The following GRIK1 variants were observed in gnomAD, a reference collection of about 807,000 sequenced individuals.
GRIK1 encodes glutamate receptor ionotropic, kainate 1.
GRIK1 carries 69 observed loss-of-function variants against 105.7 expected under a neutral mutation model. The ratio of observed to expected loss-of-function variants is 0.65; its 90% CI spans 0.54 to 0.80. The LOEUF (loss-of-function observed/expected upper bound fraction) is 0.80. GRIK1 is among the 30% of genes least tolerant of loss of function. GRIK1 has a pLI of 0.00. For missense variants in GRIK1, 1,109 were observed against 1,167.3 expected (o/e 0.95, Z 0.73); for synonymous variants, 438 against 431.3 (o/e 1.02, Z -0.19).
chr21:29,574,855 TA>T (rs1458153687), intron 14 of GRIK1, among the ~76,000 whole-genome samples: 2 of 149,774 alleles, frequency 1.3e-5, no homozygotes, highest in East Asian at 3.9e-4. Context: ...GCCCGGCTAA[TA>T]TTTTTGTATT....
intron 3 of GRIK1, among the ~76,000 whole-genome samples, chr21:29,687,878 G>A (rs2063514703): frequency 6.6e-6 from 1 of 152,064 alleles, no homozygotes; most frequent in East Asian, 1.9e-4. Flanking sequence ...TTATTCATTG[G>A]TATGTTTTCC....
intron 1 of GRIK1, among the ~76,000 whole-genome samples, chr21:29,893,364 T>C (rs1459244700): frequency 6.6e-6 from 1 of 152,184 alleles, no homozygotes; most frequent in African/African-American, 2.4e-5. Flanking sequence ...TAAAACATTC[T>C]TTTTCAAATC....
chr21:29,719,115 G>A (rs949995883), intron 1 of GRIK1, among the ~76,000 whole-genome samples: 1 of 144,166 alleles, frequency 6.9e-6, no homozygotes, highest in Non-Finnish European at 1.5e-5. Flanking sequence ...TGGTGCAAAA[G>A]TAATTGCAGT....
intron 1 of GRIK1, among the ~76,000 whole-genome samples, chr21:29,765,993 A>C (rs185513995): frequency 0.015 from 2,324 of 151,974 alleles, 63 homozygotes; most frequent in African/African-American, 0.054. Context: ...CTGGGACTAC[A>C]GGCGCCCGCC....
chr21:29,560,582 T>TTCTTTCTTTCTTTCTC (rs2090453103), intron 15 of GRIK1, among the ~76,000 whole-genome samples: 4 of 116,380 alleles, frequency 3.4e-5, no homozygotes, highest in Non-Finnish European at 7.1e-5. Context: ...CTTTCTCTCT[T>TTCTTTCTTTCTTTCTC]TCTTTCTTTC....
intron 3 of GRIK1, among the ~76,000 whole-genome samples, chr21:29,684,704 G>A (rs921895392): frequency 1.3e-5 from 2 of 152,032 alleles, no homozygotes; most frequent in Non-Finnish European, 2.9e-5. Context: ...TAGAGACGAG[G>A]TTTCACCGTG....
At chr21:29,762,779 G>A (rs2145700657) in intron 1 of GRIK1, among the ~76,000 whole-genome samples, 1 of 152,242 alleles carries the variant, frequency 6.6e-6, no homozygotes, top group Admixed American at 6.5e-5. Context: ...CATCAAACCA[G>A]CCAGCCCTAA....
chr21:29,920,887 C>T (rs970832722), intron 1 of GRIK1, among the ~76,000 whole-genome samples: 2 of 151,460 alleles, frequency 1.3e-5, no homozygotes, highest in East Asian at 1.9e-4. Flanking sequence ...AAAACACTAA[C>T]GTGGTATGTG....
At chr21:29,818,375 A>G (rs886368731) in intron 1 of GRIK1, among the ~76,000 whole-genome samples, 6 of 152,232 alleles carry the variant, frequency 3.9e-5, no homozygotes, top group Admixed American at 6.5e-5. Context: ...CCAGATTTTT[A>G]GTCTAACTCT....
chr21:29,871,960 C>T lies in GRIK1; in HGVS notation c.118+67423G>A, dbSNP rs937985118. On this transcript the variant is annotated intron_variant, in intron 1 of 17. Transcript: ENST00000327783. Reference sequence around the variant, plus strand: ...TGTATGTTTTGTAGAGAGTGGGTTTCGCCTTGTTGCCCAGGCTGGTCTTGA... The same window carrying T: ...TGTATGTTTTGTAGAGAGTGGGTTTTGCCTTGTTGCCCAGGCTGGTCTTGA... 5.5e-5 allele frequency among the ~76,000 whole-genome samples: 8 copies of T among 145,958 alleles called. No individual in the cohort carries two copies. In the South Asian group the frequency reaches 1.5e-3, roughly 28 times the overall value.
chr21:29,819,545 G>A (rs544967451), intron 1 of GRIK1, among the ~76,000 whole-genome samples: 12 of 152,066 alleles, frequency 7.9e-5, no homozygotes, highest in Admixed American at 3.9e-4. Flanking sequence ...ATTTGATAGC[G>A]TGATATTTCA....
intron 3 of GRIK1, among the ~76,000 whole-genome samples, chr21:29,678,913 C>A (rs949902025): frequency 6.6e-6 from 1 of 152,152 alleles, no homozygotes; most frequent in South Asian, 2.1e-4. Flanking sequence ...AAACTTCAGG[C>A]TTCTGTCAAG....
chr21:29,714,124 T>C (rs1197087419), intron 1 of GRIK1, among the ~76,000 whole-genome samples: 1 of 152,220 alleles, frequency 6.6e-6, no homozygotes, highest in Non-Finnish European at 1.5e-5. Context: ...GGTTATTCTA[T>C]AGTTATAATT....
At chr21:29,643,951 A>C (rs1601355081) in intron 6 of GRIK1, among the ~76,000 whole-genome samples, 1 of 152,130 alleles carries the variant, frequency 6.6e-6, no homozygotes, top group South Asian at 2.1e-4. Context: ...CACACACCAC[A>C]TACACAATCA....
intron 1 of GRIK1, among the ~76,000 whole-genome samples, chr21:29,878,761 A>G (rs1188576955): frequency 1.3e-5 from 2 of 152,130 alleles, no homozygotes; most frequent in Non-Finnish European, 2.9e-5. Context: ...CCACCTACAA[A>G]GCACGAAGTG....
chr21:29,685,310 A>T (rs951935946), intron 3 of GRIK1, among the ~76,000 whole-genome samples: 3 of 152,348 alleles, frequency 2.0e-5, no homozygotes, highest in Non-Finnish European at 4.4e-5. Flanking sequence ...AGAAAATATC[A>T]CCTGAACCAA....
intron 1 of GRIK1, among the ~76,000 whole-genome samples, chr21:29,796,292 T>A (rs995074899): frequency 6.6e-6 from 1 of 152,130 alleles, no homozygotes; most frequent in Non-Finnish European, 1.5e-5. Flanking sequence ...GGTTCTTGGG[T>A]CTTTGAAGTC....
At chr21:29,606,338 A>G (rs1378275004) in intron 7 of GRIK1, among the ~76,000 whole-genome samples, 1 of 152,140 alleles carries the variant, frequency 6.6e-6, no homozygotes, top group Non-Finnish European at 1.5e-5. Context: ...CCGGTTTTTT[A>G]CACAGGTAAA....
intron 1 of GRIK1, among the ~76,000 whole-genome samples, chr21:29,802,087 A>G (rs542086860): frequency 3.3e-5 from 5 of 152,288 alleles, no homozygotes; most frequent in South Asian, 2.1e-4. Context: ...AACTGAGAGG[A>G]AAAAGCTCCC....
Sources: gnomAD v4.1 joint callset for allele counts (sites outside exome capture counted in the v4.1 genomes callset) on GRCh38, gnomAD v4.1.1 for gene constraint, MANE v1.5 for transcripts, NCBI Gene and HGNC (gene_info 2026-07-23, HGNC 2026-07-21) for gene names.